DNHD1: variants seen among roughly 807,000 people sequenced by gnomAD.
The protein encoded by DNHD1 is dynein heavy chain domain 1.
In DNHD1, 383 loss-of-function variants were observed where a neutral mutation model predicts 458.1. The ratio of observed to expected loss-of-function variants is 0.84; its 90% CI spans 0.77 to 0.91. The LOEUF is 0.91. Ranked by LOEUF, DNHD1 falls within the 40% of genes least tolerant of loss-of-function variation. The probability of loss-of-function intolerance (pLI) is 0.00; values close to 1 mark genes in which losing one functional copy is unlikely to be tolerated. For missense variants in DNHD1, 5,336 were observed against 5,866.1 expected, an observed-to-expected ratio of 0.91 and a Z score of 2.95; for synonymous variants, 2,203 against 2,376.9, an observed-to-expected ratio of 0.93 and a Z score of 2.13.
chr11:6,500,706 G>A (rs1253914173), intron 3 of DNHD1, among the ~76,000 whole-genome samples: 3 of 152,140 alleles, frequency 2.0e-5, no homozygotes, highest in Non-Finnish European at 2.9e-5. Flanking sequence ...TTTGCATTAC[G>A]TTCTCCCGGA....
At chr11:6,569,033 T>C (rs749464591) in intron 39 of DNHD1, among the ~76,000 whole-genome samples, 167 bp downstream of exon 39, 11 of 152,152 alleles carry the variant, frequency 7.2e-5, no homozygotes, top group Admixed American at 1.3e-4. Context: ...TTACTTTGAA[T>C]TGAGTCTTAA....
At position 6,546,004 on chromosome 11, in the gene DNHD1, A is replaced by G; in HGVS notation, c.5065A>G (p.Asn1689Asp). Reference protein sequence around the residue: ...EVACGTVLGPNGVGKRAIVNS... With the variant: ...EVACGTVLGPDGVGKRAIVNS... ...GGCCTGTGGGACCGTACTGGGTCCTAATGGTGTGGGCAAGAGAGCTATAGT... is the reference window on the plus strand; with the variant it reads ...GGCCTGTGGGACCGTACTGGGTCCTGATGGTGTGGGCAAGAGAGCTATAGT... Residue 1689 changes from asparagine (N) to aspartate (D), a missense_variant, in exon 21 of 43, where the codon AAT becomes GAT. Around this residue, in one of 4 missense-constraint regions of DNHD1, gnomAD observed 3,932 missense variants for 4,365.6 expected, o/e 0.90. Transcript: ENST00000254579. 1 of 1,551,718 alleles carries G rather than the reference A, an allele frequency of 6.4e-7. No individual in the cohort carries two copies. The highest frequency in any genetic ancestry group is 8.7e-7 in the Non-Finnish European group (1 of 1,146,972).
intron 3 of DNHD1, among the ~76,000 whole-genome samples, chr11:6,501,152 G>A (rs532729645): frequency 6.6e-6 from 1 of 152,310 alleles, no homozygotes; most frequent in African/African-American, 2.4e-5. Context: ...TAAGTTTTGT[G>A]GGGAGGAAGC....
chr11:6,501,476 A>G (rs758903479), intron 3 of DNHD1, among the ~76,000 whole-genome samples: 1 of 152,302 alleles, frequency 6.6e-6, no homozygotes, highest in Non-Finnish European at 1.5e-5. Context: ...GGAGGAATTA[A>G]TCTTACAGAG....
At chr11:6,533,555 G>A in intron 13 of DNHD1, 126 bp from the exon 14 acceptor site, 2 of 1,238,312 alleles carry the variant, frequency 1.6e-6, no homozygotes, top group Non-Finnish European at 1.1e-6. Context: ...CCTGATTCCA[G>A]TTGATTACAA....
rs1853861850 is a variant in DNHD1, at chr11:6,571,917, A to T, written c.14193A>T (p.Leu4731Phe). 1 of 1,613,960 alleles carries T rather than the reference A, an allele frequency of 6.2e-7. No individual in the cohort carries two copies. The highest frequency in any genetic ancestry group is 8.5e-7 in the Non-Finnish European group (1 of 1,179,888). The change falls in exon 43 of 43, where the codon TTA becomes TTT. Residue 4731 changes from leucine (L) to phenylalanine (F), a missense_variant. Transcript: ENST00000254579. This position sits in a 1 kb window ranked among gnomAD's most constrained non-coding sequence, Gnocchi z 5.0. ...QSRNIVMHLP[L>F]PTKLTPNTCV... The stretch of plus-strand genomic sequence containing the variant: ...GGAACATCGTGATGCATCTGCCTTT[A>T]CCCACCAAGCTCACCCCCAACACCT...
chr11:6,556,875 T>C lies in DNHD1; in HGVS notation c.7580T>C (p.Leu2527Pro), dbSNP rs1306323500. 4 of 1,551,592 alleles carry C rather than the reference T, an allele frequency of 2.6e-6. No homozygotes were observed. The African/African-American group carries it at 5.5e-5, about 21-fold the overall frequency. The change falls in exon 25 of 43, where the codon CTG becomes CCG. Residue 2527 changes from leucine (L) to proline (P), a missense_variant. Coordinates refer to ENST00000254579, the MANE Select transcript of DNHD1 (RefSeq NM_144666.3). ...RLFRLFTVLA[L>P]ESMTQATLLE... is the part of the protein sequence containing the mutation. The stretch of plus-strand genomic sequence containing the variant: ...TTTCGACTCTTCACAGTCCTGGCCC[T>C]GGAAAGCATGACCCAGGCCACCCTG...
intron 19 of DNHD1, 123 bp from the exon 20 acceptor site, chr11:6,544,451 T>C: frequency 2.0e-6 from 2 of 1,019,096 alleles, no homozygotes; most frequent in South Asian, 3.3e-5. Flanking sequence ...CCCTGAGTCC[T>C]GCTGGGCAGA....
At chr11:6,510,675 C>T (rs924871394) in intron 6 of DNHD1, among the ~76,000 whole-genome samples, 8 of 152,200 alleles carry the variant, frequency 5.3e-5, no homozygotes, top group Non-Finnish European at 4.4e-5. Context: ...AATTAAACGA[C>T]ACTGTGAATA....
chr11:6,562,992 T>C lies in DNHD1; in HGVS notation c.9530T>C (p.Met3177Thr), dbSNP rs909445493. 1 of 1,551,452 alleles carries C rather than the reference T, an allele frequency of 6.4e-7. No homozygotes were observed. The highest frequency in any genetic ancestry group is 8.7e-7 in the Non-Finnish European group (1 of 1,146,936). Residue 3177 changes from methionine (M) to threonine (T), a missense_variant, in exon 29 of 43, where the codon ATG (methionine) becomes ACG (threonine). By Grantham distance (81) the Met-to-Thr change is moderately conservative. Coordinates refer to ENST00000254579, the MANE Select transcript of DNHD1 (RefSeq NM_144666.3). ...GATCTGTCTCTGCAGAGTCTCAGCATGTTTCAGCAGCAGCTAGAGCAAAGC... is the reference window on the plus strand; with the variant it reads ...GATCTGTCTCTGCAGAGTCTCAGCACGTTTCAGCAGCAGCTAGAGCAAAGC... ...QLKDSGKSLS[M>T]FQQQLEQSKL...
In DNHD1 at chr11:6,547,353, G is replaced by C; in HGVS notation, c.6414G>C (p.Val2138=). ...VADTTGISPT[V]VGCCALVWCG... is the part of the protein sequence containing the mutation. ...ACACAACAGGCATATCCCCCACAGTGGTAGGCTGTTGTGCCCTAGTCTGGT... is the reference window on the plus strand; with the variant it reads ...ACACAACAGGCATATCCCCCACAGTCGTAGGCTGTTGTGCCCTAGTCTGGT... The change falls in exon 21 of 43, where the codon GTG becomes GTC. Residue 2138 remains valine, a synonymous_variant. Transcript: ENST00000254579. 1.3e-6 allele frequency: 2 copies of C among 1,551,752 alleles called. No homozygotes were observed. Among genetic ancestry groups the C allele is most frequent in the South Asian group, 2.4e-5 (2 of 84,064 alleles).
chr11:6,566,762 T>A lies in DNHD1; in HGVS notation c.11382T>A (p.Ala3794=). Reference sequence around the variant, plus strand: ...ATACCTGCAAGGCTGTGGAGGCTGCTGAGGTGCTTGGGGGCTCAGTCTGTG... The same window carrying A: ...ATACCTGCAAGGCTGTGGAGGCTGCAGAGGTGCTTGGGGGCTCAGTCTGTG... ...ALDTCKAVEA[A]EERLLTMLLF... is the part of the protein sequence containing the mutation. Residue 3794 remains alanine (A), a synonymous_variant, in exon 35 of 43, where the codon GCT becomes GCA. Transcript: ENST00000254579. 3 of 1,609,682 alleles carry A rather than the reference T, an allele frequency of 1.9e-6. No individual in the cohort carries two copies. The highest frequency in any genetic ancestry group is 2.5e-6 in the Non-Finnish European group (3 of 1,177,866).
At chr11:6,539,044 G>A (rs1204700863) in intron 16 of DNHD1, among the ~76,000 whole-genome samples, 175 bp from the exon 17 acceptor site, 10 of 151,964 alleles carry the variant, frequency 6.6e-5, no homozygotes, top group Admixed American at 6.6e-4. Flanking sequence ...TTAGCTCTGG[G>A]CTCTGAGTTG....
In DNHD1 at chr11:6,538,725, G is replaced by A; in HGVS notation, c.3240G>A (p.Leu1080=). The stretch of plus-strand genomic sequence containing the variant: ...TGCTGCAGCACTGCATGCGCATCCT[G>A]GGGGAGTTTCGCAGCTACCTGCCCC... ...SPVLQHCMRI[L]GEFRSYLPLL... is the part of the protein sequence containing the mutation. The change falls in exon 16 of 43, where the codon CTG becomes CTA. Residue 1080 remains leucine, a synonymous_variant. Coordinates refer to ENST00000254579, the MANE Select transcript of DNHD1 (RefSeq NM_144666.3). The A allele has an allele frequency of 6.5e-7, 1 of 1,549,676 alleles. No homozygotes were observed. Among genetic ancestry groups the A allele is most frequent in the Non-Finnish European group, 8.7e-7 (1 of 1,145,710 alleles).
chr11:6,518,130 A>C (rs141367203), intron 7 of DNHD1, among the ~76,000 whole-genome samples: 43 of 152,286 alleles, frequency 2.8e-4, no homozygotes, highest in African/African-American at 9.9e-4. Context: ...ATGATCAGGG[A>C]TCACTGCAGC....
At position 6,568,652 on chromosome 11, in the gene DNHD1, C is replaced by T. The variant is rs1241742347; in HGVS notation, c.12662-13C>T. 5 of 1,613,768 alleles carry T rather than the reference C, an allele frequency of 3.1e-6. No individual in the cohort carries two copies. Among genetic ancestry groups the T allele is most frequent in the Middle Eastern group, 1.6e-4 (1 of 6,084 alleles). On this transcript the variant is annotated splice_polypyrimidine_tract_variant and intron_variant, in intron 38 of 42. Coordinates refer to ENST00000254579, the MANE Select transcript of DNHD1 (RefSeq NM_144666.3). ...CTGTGCTGTGCTGACTCAGCACTCTCCTTCCTCCCCAGCTGTGCTGACTCA... is the reference window on the plus strand; with the variant it reads ...CTGTGCTGTGCTGACTCAGCACTCTTCTTCCTCCCCAGCTGTGCTGACTCA...
At position 6,546,876 on chromosome 11, in the gene DNHD1, C is replaced by T. The variant is rs1330632633; in HGVS notation, c.5937C>T (p.Ser1979=). The T allele has an allele frequency of 2.6e-6, 4 of 1,551,744 alleles. No individual in the cohort carries two copies. The highest frequency in any genetic ancestry group is 2.6e-6 in the Non-Finnish European group (3 of 1,146,994). Residue 1979 remains serine, a synonymous_variant, in exon 21 of 43, where the codon AGC becomes AGT. Transcript: ENST00000254579. ...TTTTGGGGTCCTTGGAACAGTTGAGCCAGGCCCTGAGCCGGGCCTCAGGCA... is the reference window on the plus strand; with the variant it reads ...TTTTGGGGTCCTTGGAACAGTTGAGTCAGGCCCTGAGCCGGGCCTCAGGCA... ...PDILGSLEQL[S]QALSRASGIL...
At position 6,571,222 on chromosome 11, in the gene DNHD1, G is replaced by A. The variant is rs757190342; in HGVS notation, c.13710G>A (p.Ala4570=). 1.4e-5 allele frequency: 22 copies of A among 1,610,762 alleles called. No individual in the cohort carries two copies. The highest frequency in any genetic ancestry group is 1.3e-4 in the Admixed American group (8 of 59,868). Residue 4570 remains alanine, a synonymous_variant, in exon 42 of 43, where the codon GCG becomes GCA. Coordinates refer to ENST00000254579, the MANE Select transcript of DNHD1 (RefSeq NM_144666.3). The surrounding 1 kb of genome is among the most constrained non-coding windows in gnomAD (Gnocchi z 5.0). Reference sequence around the variant, plus strand: ...TGGTTCGTTACTTGGGCGTGGGCGCGGACGCGAGCAGTGATGTACCAGAGC... The same window carrying A: ...TGGTTCGTTACTTGGGCGTGGGCGCAGACGCGAGCAGTGATGTACCAGAGC... ...QLLVRYLGVG[A]DASSDVPERV...
intron 25 of DNHD1, 32 bp from the exon 26 acceptor site, chr11:6,558,452 AG>A: frequency 3.2e-6 from 5 of 1,550,122 alleles, no homozygotes; most frequent in Non-Finnish European, 4.4e-6. Flanking sequence ...GCAAAGGTAA[AG>A]GGGAGGACAT....
Sources: gnomAD v4.1 joint callset for allele counts (sites outside exome capture counted in the v4.1 genomes callset) on GRCh38, gnomAD v4.1.1 for gene constraint, gnomAD v4.1.1 regional missense constraint, Gnocchi (gnomAD v3.1) non-coding constraint, MANE v1.5 for transcripts, NCBI Gene and HGNC (gene_info 2026-07-23, HGNC 2026-07-21) for gene names.